Variants in FRMPD2 observed in about 807,000 individuals in gnomAD.
FRMPD2 encodes the protein FERM and PDZ domain containing 2.
In FRMPD2, 96 loss-of-function variants were observed where a neutral mutation model predicts 140.1. The ratio of observed to expected loss-of-function variants is 0.69; its 90% CI spans 0.58 to 0.81. The LOEUF (loss-of-function observed/expected upper bound fraction) is 0.81, where lower values mean the gene tolerates loss of function less well. Among genes scored for constraint, FRMPD2 ranks in the 40% least tolerant of loss-of-function variants. The pLI, the probability that FRMPD2 is intolerant of heterozygous loss-of-function variation, is 0.00. For synonymous variants in FRMPD2, 449 were observed against 547.6 expected, an observed-to-expected ratio of 0.82 and a Z score of 2.52; for missense variants, 1,240 against 1,447.4, an observed-to-expected ratio of 0.86 and a Z score of 2.32.
chr10:48,238,167 G>A, intron 7 of FRMPD2, 44 bp from the exon 8 acceptor site: 1 of 1,588,536 alleles, frequency 6.3e-7, no homozygotes, highest in South Asian at 1.1e-5. Flanking sequence ...GCAATGGCAA[G>A]GGCTTCCATG....
chr10:48,215,042 G>C (rs964969148), intron 12 of FRMPD2, among the ~76,000 whole-genome samples: 2 of 152,232 alleles, frequency 1.3e-5, no homozygotes, highest in African/African-American at 4.8e-5. Flanking sequence ...TGATTAAGGA[G>C]ATTTATTTTT....
chr10:48,250,287 C>T (rs1329489236), intron 2 of FRMPD2, among the ~76,000 whole-genome samples: 1 of 152,222 alleles, frequency 6.6e-6, no homozygotes, highest in Non-Finnish European at 1.5e-5. Context: ...GGGCTGCAAG[C>T]ACAGCTCCTC....
intron 1 of FRMPD2, among the ~76,000 whole-genome samples, chr10:48,257,583 C>T (rs942150912): frequency 1.5e-4 from 23 of 152,092 alleles, no homozygotes; most frequent in Admixed American, 1.3e-3. Context: ...CCCTGCCAAC[C>T]TTTACCTTTT....
At chr10:48,234,782 C>T (rs895422518) in intron 9 of FRMPD2, among the ~76,000 whole-genome samples, 1 of 152,150 alleles carries the variant, frequency 6.6e-6, no homozygotes, top group Non-Finnish European at 1.5e-5. Context: ...GGGTCCTAGA[C>T]CTGGTGTGTA....
chr10:48,185,433 G>T, intron 18 of FRMPD2, 120 bp downstream of exon 18: 1 of 700,734 alleles, frequency 1.4e-6, no homozygotes. Flanking sequence ...ACCAGAAAAG[G>T]CAGACTGGGA....
chr10:48,200,196 AT>A (rs200070630), intron 15 of FRMPD2, among the ~76,000 whole-genome samples: 5 of 148,626 alleles, frequency 3.4e-5, no homozygotes, highest in East Asian at 1.9e-4. Context: ...AAATAAATAA[AT>A]AAAACAGAGC....
At chr10:48,236,086 A>C in intron 9 of FRMPD2, among the ~76,000 whole-genome samples, 1 of 150,738 alleles carries the variant, frequency 6.6e-6, no homozygotes. Context: ...TTTTTGCACA[A>C]ATCACTACCT....
chr10:48,206,236 T>C (rs141425147), intron 14 of FRMPD2, among the ~76,000 whole-genome samples: 1 of 152,182 alleles, frequency 6.6e-6, no homozygotes, highest in Non-Finnish European at 1.5e-5. Flanking sequence ...TTTTAAGAGC[T>C]ACCAAAAATT....
At chr10:48,198,799 T>G (rs1839012011) in intron 15 of FRMPD2, among the ~76,000 whole-genome samples, 1 of 152,260 alleles carries the variant, frequency 6.6e-6, no homozygotes, top group Admixed American at 6.5e-5. Flanking sequence ...TTCACCTTCC[T>G]GATTAGCTGT....
chr10:48,159,185 G>T (rs1413221628), intron 28 of FRMPD2: 3 of 456,156 alleles, frequency 6.6e-6, no homozygotes, highest in Admixed American at 2.4e-5. Flanking sequence ...GGAGCCCCAG[G>T]TCTCTGCTCC....
chr10:48,223,352 C>T, intron 10 of FRMPD2, 82 bp from the exon 11 acceptor site: 10 of 1,401,598 alleles, frequency 7.1e-6, no homozygotes, highest in Non-Finnish European at 9.7e-6. Context: ...TAAGCCCTAC[C>T]CAGAGTGTCA....
In FRMPD2 at chr10:48,270,203, G is replaced by A. The variant is rs113727310; in HGVS notation, c.25+4340C>T. Among the ~76,000 whole-genome samples the A allele has an allele frequency of 1.4e-3, 220 of 152,324 alleles. 1 individual carries two copies. The highest frequency in any genetic ancestry group is 4.9e-3 in the African/African-American group (204 of 41,570). ...GCCTATAATCCAAGGAGCTGCTAGT[G>A]GACGTGGTCTCGAGGCCCATTTTCA... On this transcript the variant is annotated intron_variant, in intron 1 of 28. Coordinates refer to ENST00000374201, the MANE Select transcript of FRMPD2 (RefSeq NM_001018071.4).
intron 10 of FRMPD2, among the ~76,000 whole-genome samples, chr10:48,230,976 C>A (rs1839836161): frequency 6.6e-6 from 1 of 152,086 alleles, no homozygotes. Flanking sequence ...GAACTCCAGA[C>A]AGACTTAGCC....
rs1325762176 is a variant in FRMPD2 at position 48,184,762 on chromosome 10, A to T, written c.2467+12T>A. Reference sequence around the variant, plus strand: ...CTTAAAACAGCATCTCTAGTAATTTAAAAAGATGTACCTGGTTTGATCGTT... The same window carrying T: ...CTTAAAACAGCATCTCTAGTAATTTTAAAAGATGTACCTGGTTTGATCGTT... On this transcript the variant is annotated intron_variant, in intron 19 of 28. Transcript: ENST00000374201. 1 of 1,604,744 alleles carries T rather than the reference A, an allele frequency of 6.2e-7. No individual in the cohort carries two copies. The highest frequency in any genetic ancestry group is 8.5e-7 in the Non-Finnish European group (1 of 1,173,232).
intron 27 of FRMPD2, among the ~76,000 whole-genome samples, chr10:48,167,753 C>T (rs1187437395): frequency 6.6e-6 from 1 of 152,194 alleles, no homozygotes; most frequent in Non-Finnish European, 1.5e-5. Flanking sequence ...CTAGATGTCA[C>T]TGTGAAGGTA....
chr10:48,241,324 A>G (rs903723129), intron 5 of FRMPD2, among the ~76,000 whole-genome samples: 3 of 152,094 alleles, frequency 2.0e-5, no homozygotes, highest in Admixed American at 1.3e-4. Flanking sequence ...CAGCCACTCA[A>G]CTGGCCTCTA....
At chr10:48,220,579 T>A (rs1022934344) in intron 12 of FRMPD2, among the ~76,000 whole-genome samples, 1 of 152,088 alleles carries the variant, frequency 6.6e-6, no homozygotes, top group Admixed American at 6.5e-5. Context: ...AAAACAAAGA[T>A]AAATAGATGG....
At position 48,239,802 on chromosome 10, in the gene FRMPD2, T is replaced by G. The variant is rs1840061093; in HGVS notation, c.701-110A>C. 4.1e-6 allele frequency: 3 copies of G among 739,630 alleles called. No individual in the cohort carries two copies. In the South Asian group the frequency reaches 4.9e-5, roughly 12 times the overall value. The allele number at this position is 739,630 out of a possible 1,614,324, so 45.8% of individuals were successfully genotyped here. On this transcript the variant is annotated intron_variant, in intron 6 of 28. Coordinates refer to ENST00000374201, the MANE Select transcript of FRMPD2 (RefSeq NM_001018071.4). ...TCATGACTTACTAGCTGTGTGACCT[T>G]GGTGAAATTCCTTAGCCTCTCTGAA... is the stretch of plus-strand genomic sequence containing the variant.
At chr10:48,159,064 T>A in intron 28 of FRMPD2, 1 of 397,678 alleles carries the variant, frequency 2.5e-6, no homozygotes, top group South Asian at 1.9e-5. Flanking sequence ...TTGTCCTATT[T>A]ACTTACGGTT....
Sources: gnomAD v4.1 joint callset for allele counts (sites outside exome capture counted in the v4.1 genomes callset) on GRCh38, gnomAD v4.1.1 for gene constraint, MANE v1.5 for transcripts, NCBI Gene and HGNC (gene_info 2026-07-23, HGNC 2026-07-21) for gene names.